Variants in LCORL observed in about 807,000 individuals in gnomAD.
LCORL encodes ligand-dependent nuclear receptor corepressor-like protein.
Under a neutral mutation model 141.8 loss-of-function variants are expected in LCORL, and 41 were observed. The ratio of observed to expected loss-of-function variants is 0.29; its 90% confidence interval spans 0.23 to 0.38. The LOEUF is 0.38. LCORL is among the 10% of genes least tolerant of loss of function. LCORL has a pLI of 1.00. For missense variants in LCORL, 1,759 were observed against 2,035.0 expected (o/e 0.86, Z 2.61); for synonymous variants, 618 against 694.1 (o/e 0.89, Z 1.72).
intron 4 of LCORL, among the ~76,000 whole-genome samples, chr4:17,940,818 A>G (rs2109476484): frequency 6.6e-6 from 1 of 152,244 alleles, no homozygotes; most frequent in East Asian, 1.9e-4. Flanking sequence ...AACTATGTGG[A>G]TCCCAGGTTA....
At chr4:17,924,127 A>C (rs2109388207) in intron 4 of LCORL, among the ~76,000 whole-genome samples, 1 of 152,272 alleles carries the variant, frequency 6.6e-6, no homozygotes, top group Admixed American at 6.5e-5. Context: ...GTGACAAAGA[A>C]ATTTGGGAAA....
intron 4 of LCORL, 69 bp downstream of exon 4, chr4:17,961,834 T>C: frequency 7.1e-7 from 1 of 1,398,778 alleles, no homozygotes; most frequent in East Asian, 2.3e-5. Flanking sequence ...AAAAAACTTT[T>C]GTGTAAAAAA....
intron 5 of LCORL, among the ~76,000 whole-genome samples, chr4:17,889,584 A>G (rs1202336427): frequency 1.3e-5 from 2 of 152,040 alleles, no homozygotes; most frequent in Non-Finnish European, 2.9e-5. Flanking sequence ...CATCTATACT[A>G]TTTTGCTGAT....
chr4:17,888,911 T>C (rs1728674071), intron 5 of LCORL, among the ~76,000 whole-genome samples: 1 of 152,156 alleles, frequency 6.6e-6, no homozygotes, highest in Non-Finnish European at 1.5e-5. Context: ...GTACAGTTTA[T>C]GGCATATAAA....
At chr4:17,866,735 T>A (rs1390795461) in intron 7 of LCORL, among the ~76,000 whole-genome samples, 4 of 152,142 alleles carry the variant, frequency 2.6e-5, no homozygotes, top group African/African-American at 9.7e-5. Context: ...TCACTAGGCT[T>A]AACGTTACGA....
chr4:17,906,346 C>T (rs1731616232), intron 5 of LCORL, among the ~76,000 whole-genome samples: 1 of 152,110 alleles, frequency 6.6e-6, no homozygotes, highest in African/African-American at 2.4e-5. Context: ...AATTTGGTCC[C>T]TACCTACTTC....
At position 18,014,495 on chromosome 4, in the gene LCORL, T is replaced by A. The variant is rs578181572; in HGVS notation, c.154+7103A>T. On this transcript the variant is annotated intron_variant, in intron 1 of 7. Coordinates refer to ENST00000635767, the Ensembl canonical transcript of LCORL. Reference sequence around the variant, plus strand: ...AATGCTTACTGCATAAAAAAAAAAATTGAATCCATGAGATACTGTAAAGAA... The same window carrying A: ...AATGCTTACTGCATAAAAAAAAAAAATGAATCCATGAGATACTGTAAAGAA... Among the ~76,000 whole-genome samples the A allele has an allele frequency of 1.3e-4, 19 of 151,762 alleles. No homozygotes were observed. The East Asian group carries it at 3.5e-3, about 28-fold the overall frequency.
intron 4 of LCORL, chr4:17,912,937 G>C: frequency 2.1e-6 from 1 of 469,700 alleles, no homozygotes; most frequent in East Asian, 5.3e-5. Flanking sequence ...GGATGGCAAA[G>C]TGGTGCCCGA....
chr4:17,910,491 G>A (rs1184747293), intron 4 of LCORL, among the ~76,000 whole-genome samples: 1 of 152,166 alleles, frequency 6.6e-6, no homozygotes, highest in Non-Finnish European at 1.5e-5. Context: ...AGTGTTATAT[G>A]AATAGGCTTT....
exon 7 of LCORL, chr4:17,877,749 C>T (rs146292459): frequency 1.1e-4 from 139 of 1,230,560 alleles, no homozygotes; most frequent in African/African-American, 3.3e-4. Flanking sequence ...AAGAGGACTA[C>T]GAAAGGCTGA....
chr4:17,895,390 GT>G, intron 5 of LCORL, among the ~76,000 whole-genome samples: 1 of 151,828 alleles, frequency 6.6e-6, no homozygotes. Context: ...TTCCACATGA[GT>G]GACAAATACA....
chr4:17,866,241 C>T (rs116893275), intron 7 of LCORL, among the ~76,000 whole-genome samples: 1 of 152,192 alleles, frequency 6.6e-6, no homozygotes, highest in African/African-American at 2.4e-5. Context: ...TTCCTCCTCA[C>T]CCTTCACAGC....
At chr4:17,870,052 A>T (rs753614641) in intron 7 of LCORL, among the ~76,000 whole-genome samples, 32 of 152,098 alleles carry the variant, frequency 2.1e-4, no homozygotes, top group Non-Finnish European at 2.6e-4. Flanking sequence ...TTCCCTCAGT[A>T]GCTTCATTGT....
At chr4:17,951,218 A>G (rs920505661) in intron 4 of LCORL, among the ~76,000 whole-genome samples, 8 of 152,190 alleles carry the variant, frequency 5.3e-5, no homozygotes, top group Admixed American at 2.0e-4. Context: ...GCAAAGTGCT[A>G]TTGACGATCA....
At chr4:17,883,810 C>T in intron 6 of LCORL, 3 of 1,550,572 alleles carry the variant, frequency 1.9e-6, no homozygotes, top group Non-Finnish European at 2.6e-6. Flanking sequence ...GTTTCTTCTT[C>T]GGAGGAGTCT....
intron 4 of LCORL, among the ~76,000 whole-genome samples, chr4:17,939,726 C>G (rs1282137948): frequency 6.6e-6 from 1 of 151,878 alleles, no homozygotes; most frequent in Non-Finnish European, 1.5e-5. Flanking sequence ...GATCCAGTGA[C>G]TTAAAATTCT....
At chr4:17,979,274 A>C (rs775407465) in intron 1 of LCORL, among the ~76,000 whole-genome samples, 5 of 152,176 alleles carry the variant, frequency 3.3e-5, no homozygotes, top group African/African-American at 4.8e-5. Context: ...CTAAATCATT[A>C]GTTTCCTTCT....
chr4:17,955,916 G>T (rs1336569565), intron 4 of LCORL, among the ~76,000 whole-genome samples: 1 of 152,032 alleles, frequency 6.6e-6, no homozygotes, highest in Non-Finnish European at 1.5e-5. Context: ...AAGTGGTGTG[G>T]TCTATACATT....
At chr4:17,885,062 A>T (rs559701071) in intron 6 of LCORL, among the ~76,000 whole-genome samples, 1 of 152,088 alleles carries the variant, frequency 6.6e-6, no homozygotes, top group African/African-American at 2.4e-5. Context: ...GCAGAGCAAC[A>T]CTTATAAATT....
Sources: allele counts gnomAD v4.1 joint callset (sites outside exome capture counted in the v4.1 genomes callset), GRCh38; gene constraint gnomAD v4.1.1; transcripts MANE v1.5; gene names NCBI Gene and HGNC (gene_info 2026-07-23, HGNC 2026-07-21).